CDH1: variants seen among roughly 807,000 people sequenced by gnomAD.
CDH1 encodes the protein cadherin 1.
In CDH1, 35 loss-of-function variants were observed where a neutral mutation model predicts 84.5. That is an observed-to-expected ratio of 0.41 (90% CI 0.32 to 0.55). The LOEUF (loss-of-function observed/expected upper bound fraction) is 0.55, where lower values mean the gene tolerates loss of function less well. Ranked by LOEUF, CDH1 falls within the 20% of genes least tolerant of loss-of-function variation. CDH1 has a pLI of 0.19. For missense variants in CDH1, 994 were observed against 1,126.6 expected (o/e 0.88, Z 1.68); for synonymous variants, 417 against 439.0 (o/e 0.95, Z 0.63).
At chr16:68,780,931 G>A (rs1567491907) in intron 2 of CDH1, among the ~76,000 whole-genome samples, 3 of 152,322 alleles carry the variant, frequency 2.0e-5, no homozygotes, top group South Asian at 4.1e-4. Context: ...TGGCCTGACC[G>A]AGGTTGTAGC....
chr16:68,829,885 T>C, intron 15 of CDH1, 88 bp downstream of exon 15: 11 of 1,338,038 alleles, frequency 8.2e-6, no homozygotes, highest in African/African-American at 1.4e-5. Context: ...AGTCTTTAGA[T>C]TCTTTCCTTT....
At chr16:68,793,480 G>A (rs903014700) in intron 2 of CDH1, among the ~76,000 whole-genome samples, 1 of 152,062 alleles carries the variant, frequency 6.6e-6, no homozygotes, top group Non-Finnish European at 1.5e-5. Flanking sequence ...TGGCTCATCA[G>A]TACTAACAGA....
intron 15 of CDH1, among the ~76,000 whole-genome samples, chr16:68,830,766 G>A (rs891060934): frequency 6.6e-6 from 1 of 152,088 alleles, no homozygotes; most frequent in African/African-American, 2.4e-5. Context: ...CAAAGCAGAG[G>A]GCAAAAGTCT....
At chr16:68,806,007 A>G (rs1597888387) in intron 3 of CDH1, among the ~76,000 whole-genome samples, 1 of 151,924 alleles carries the variant, frequency 6.6e-6, no homozygotes, top group South Asian at 2.1e-4. Context: ...GAGTGCAGTG[A>G]CACAATCTCG....
chr16:68,833,160 G>A lies in CDH1; in HGVS notation c.2440-130G>A, dbSNP rs1961528503. On this transcript the variant is annotated intron_variant, in intron 15 of 15. Transcript: ENST00000261769. Reference sequence around the variant, plus strand: ...GTGTGTATAAATGTACGTTGTTGGTGTTCACTGCTCCGTGGTGTGCCACAA... The same window carrying A: ...GTGTGTATAAATGTACGTTGTTGGTATTCACTGCTCCGTGGTGTGCCACAA... 8.0e-6 allele frequency: 6 copies of A among 752,990 alleles called. 1 individual carries two copies. In the South Asian group the frequency reaches 8.9e-5, roughly 11 times the overall value. The allele number at this position is 752,990 out of a possible 1,614,324, so 46.6% of individuals were successfully genotyped here.
intron 1 of CDH1, among the ~76,000 whole-genome samples, chr16:68,737,789 G>C (rs887035038): frequency 1.3e-5 from 2 of 152,114 alleles, no homozygotes; most frequent in African/African-American, 4.8e-5. Context: ...GTGGAGAAGG[G>C]GTGCCCTGGT....
intron 2 of CDH1, among the ~76,000 whole-genome samples, chr16:68,797,937 G>A (rs1293969999): frequency 6.6e-6 from 1 of 152,014 alleles, no homozygotes; most frequent in African/African-American, 2.4e-5. Flanking sequence ...AAATTAGCTG[G>A]GCGTGGTGGT....
rs1567504664 is a variant in CDH1 at position 68,808,580 on chromosome 16, G to T, written c.531+13G>T. On this transcript the variant is annotated intron_variant, in intron 4 of 15. Coordinates refer to ENST00000261769, the MANE Select transcript of CDH1 (RefSeq NM_004360.5). ...AAACCTGGTTCAGGTAGAGAAAGAA[G>T]TTCTCTGTTTCTCTGGGAGGGATTT... is the stretch of plus-strand genomic sequence containing the variant. The T allele has an allele frequency of 6.2e-7, 1 of 1,614,056 alleles. No homozygotes were observed. Among genetic ancestry groups the T allele is most frequent in the Non-Finnish European group, 8.5e-7 (1 of 1,179,936 alleles).
intron 2 of CDH1, among the ~76,000 whole-genome samples, chr16:68,749,861 C>G (rs959518664): frequency 6.6e-6 from 1 of 152,226 alleles, no homozygotes; most frequent in Non-Finnish European, 1.5e-5. Context: ...ACGCCAAACT[C>G]AGCATCTCCA....
chr16:68,743,360 TTTC>T (rs1210887276), intron 2 of CDH1, among the ~76,000 whole-genome samples: 74 of 6,506 alleles, frequency 0.011, 2 homozygotes, highest in African/African-American at 0.031. Flanking sequence ...TCTTTCTTTC[TTTC>T]TTTTCTTTTC....
rs1247754103 is a variant in CDH1, at chr16:68,833,381, G to T, written c.2531G>T (p.Ser844Ile). ...DYEGSGSEAA[S>I]LSSLNSSESD... Reference sequence around the variant, plus strand: ...GAAGGAAGCGGTTCCGAAGCTGCTAGTCTGAGCTCCCTGAACTCCTCAGAG... The same window carrying T: ...GAAGGAAGCGGTTCCGAAGCTGCTATTCTGAGCTCCCTGAACTCCTCAGAG... Residue 844 changes from serine (S) to isoleucine (I), a missense_variant, in exon 16 of 16, where the codon AGT becomes ATT. Physicochemically the swap from Ser to Ile is moderately radical, Grantham distance 142. Coordinates refer to ENST00000261769, the MANE Select transcript of CDH1 (RefSeq NM_004360.5). 1 of 1,614,206 alleles carries T rather than the reference G, an allele frequency of 6.2e-7. No homozygotes were observed. The highest frequency in any genetic ancestry group is 8.5e-7 in the Non-Finnish European group (1 of 1,180,030).
chr16:68,822,485 C>A (rs2152138775), intron 12 of CDH1: 1 of 572,530 alleles, frequency 1.7e-6, no homozygotes, highest in Admixed American at 2.6e-5. Context: ...CCCTCCACTC[C>A]CCTCTCCACT....
chr16:68,813,956 GC>G (rs1203392127), intron 9 of CDH1, among the ~76,000 whole-genome samples: 1 of 151,846 alleles, frequency 6.6e-6, no homozygotes, highest in Non-Finnish European at 1.5e-5. Flanking sequence ...GGAAAAGGAG[GC>G]CGGGCGTGGT....
chr16:68,815,059 C>G (rs747211180), intron 9 of CDH1, among the ~76,000 whole-genome samples: 5 of 151,948 alleles, frequency 3.3e-5, no homozygotes, highest in Admixed American at 6.6e-5. Flanking sequence ...AACGTCGTCT[C>G]TACTAAAAAT....
intron 2 of CDH1, among the ~76,000 whole-genome samples, chr16:68,743,917 C>T (rs975697975): frequency 3.9e-5 from 6 of 152,188 alleles, no homozygotes; most frequent in Non-Finnish European, 8.8e-5. Flanking sequence ...TAAGTATGTA[C>T]ATTCATTTAG....
At chr16:68,753,065 C>T (rs1042454959) in intron 2 of CDH1, among the ~76,000 whole-genome samples, 1 of 151,796 alleles carries the variant, frequency 6.6e-6, no homozygotes, top group Non-Finnish European at 1.5e-5. Flanking sequence ...AATGCAAGGC[C>T]GGCCAGGCGT....
intron 15 of CDH1, among the ~76,000 whole-genome samples, chr16:68,832,137 G>A (rs1280870556): frequency 1.3e-5 from 2 of 152,070 alleles, no homozygotes; most frequent in East Asian, 3.8e-4. Context: ...TCGCTTAAGG[G>A]AGGAGAGAGA....
intron 12 of CDH1, chr16:68,823,071 G>A: frequency 3.2e-6 from 1 of 310,992 alleles, no homozygotes; most frequent in East Asian, 7.5e-5. Context: ...GCCGGGCTGG[G>A]CAAAAAGGTT....
At chr16:68,828,447 G>A (rs760219089) in intron 14 of CDH1, 143 bp downstream of exon 14, 82 of 767,632 alleles carry the variant, frequency 1.1e-4, no homozygotes, top group Non-Finnish European at 1.7e-4. Flanking sequence ...AGTAGACATT[G>A]TCATTGACCA....
Sources: gnomAD v4.1 joint callset for allele counts (sites outside exome capture counted in the v4.1 genomes callset) on GRCh38, gnomAD v4.1.1 for gene constraint, MANE v1.5 for transcripts, NCBI Gene and HGNC (gene_info 2026-07-23, HGNC 2026-07-21) for gene names.